The following EYS variants were observed in gnomAD, a reference collection of about 807,000 sequenced individuals.
EYS encodes protein eyes shut homolog.
In EYS, 250 loss-of-function variants were observed where a neutral mutation model predicts 282.1. That is an observed-to-expected ratio of 0.89 (90% CI 0.80 to 0.98). The LOEUF is 0.98. EYS is among the 50% of genes least tolerant of loss of function. The pLI is 0.00. For missense variants in EYS, 4,016 were observed against 3,709.0 expected (o/e 1.08, Z -2.15); for synonymous variants, 1,355 against 1,282.9 (o/e 1.06, Z -1.20).
chr6:64,899,433 T>C (rs924939955), intron 18 of EYS, among the ~76,000 whole-genome samples: 1 of 152,114 alleles, frequency 6.6e-6, no homozygotes, highest in Non-Finnish European at 1.5e-5. Flanking sequence ...TTATCTCTGT[T>C]TGCAAATGAC....
intron 2 of EYS, among the ~76,000 whole-genome samples, chr6:65,527,230 A>G (rs563803649): frequency 6.6e-6 from 1 of 152,304 alleles, no homozygotes; most frequent in East Asian, 1.9e-4. Context: ...TCTAGAAAGC[A>G]TTATAAATTA....
intron 12 of EYS, among the ~76,000 whole-genome samples, chr6:65,228,927 G>A (rs941174218): frequency 1.9e-4 from 29 of 151,980 alleles, no homozygotes; most frequent in African/African-American, 6.8e-4. Context: ...TTTATCAAAT[G>A]ATGCTGGGAG....
chr6:64,781,114 T>A (rs1773844108), intron 22 of EYS, among the ~76,000 whole-genome samples: 5 of 151,418 alleles, frequency 3.3e-5, no homozygotes, highest in African/African-American at 1.2e-4. Context: ...CAGGAGAGGA[T>A]AGGAAGTGCC....
In EYS at chr6:64,970,629, A is replaced by G. The variant is rs139652241; in HGVS notation, c.2260-24715T>C. Among the ~76,000 whole-genome samples the G allele has an allele frequency of 9.2e-5, 14 of 152,310 alleles. No individual in the cohort carries two copies. In the East Asian group the frequency reaches 2.7e-3, roughly 29 times the overall value. On this transcript the variant is annotated intron_variant, in intron 14 of 42. Transcript: ENST00000503581. ...TTATCTCTCCAGCAAATTGTGCATC[A>G]CAGTAAAAAGTGATTTTTCAAAGTT...
intron 33 of EYS, among the ~76,000 whole-genome samples, chr6:64,021,383 A>G (rs1309043840): frequency 6.6e-6 from 1 of 151,526 alleles, no homozygotes; most frequent in Non-Finnish European, 1.5e-5. Context: ...CTTTATCACA[A>G]CAGGGAATGA....
chr6:64,148,260 A>T (rs2150292438), intron 31 of EYS, among the ~76,000 whole-genome samples: 1 of 152,274 alleles, frequency 6.6e-6, no homozygotes, highest in Non-Finnish European at 1.5e-5. Flanking sequence ...ACAGCAACTA[A>T]AATTTTGTAT....
intron 22 of EYS, among the ~76,000 whole-genome samples, chr6:64,708,634 C>T (rs1015124888): frequency 7.9e-5 from 12 of 152,282 alleles, no homozygotes; most frequent in Admixed American, 7.8e-4. Context: ...AAAAAAAAGT[C>T]TCCCTCAAGG....
chr6:64,156,843 G>A (rs1009913782), intron 31 of EYS, among the ~76,000 whole-genome samples: 1 of 151,816 alleles, frequency 6.6e-6, no homozygotes, highest in Non-Finnish European at 1.5e-5. Flanking sequence ...GGTGAGTTGG[G>A]TGTTGTTAAA....
At chr6:64,033,683 G>A (rs1233959926) in intron 33 of EYS, among the ~76,000 whole-genome samples, 1 of 52,040 alleles carries the variant, frequency 1.9e-5, no homozygotes, top group South Asian at 5.3e-4. Context: ...AGATCAGATA[G>A]GTTGCTACAA....
At chr6:65,589,827 G>T (rs939555627) in intron 2 of EYS, among the ~76,000 whole-genome samples, 1 of 151,804 alleles carries the variant, frequency 6.6e-6, no homozygotes, top group South Asian at 2.1e-4. Flanking sequence ...AAATGTTAAA[G>T]GTTTTGGGGG....
chr6:64,172,892 G>A (rs138732962), intron 31 of EYS, among the ~76,000 whole-genome samples: 277 of 152,206 alleles, frequency 1.8e-3, no homozygotes, highest in African/African-American at 6.0e-3. Context: ...AGCTTGTTTC[G>A]TCTCGAAACC....
At chr6:63,917,140 G>C (rs754219962) in intron 35 of EYS, among the ~76,000 whole-genome samples, 1 of 152,254 alleles carries the variant, frequency 6.6e-6, no homozygotes, top group South Asian at 2.1e-4. Context: ...AACTGTGTGT[G>C]CATGTGTACA....
At chr6:64,355,259 G>A (rs1471080727) in intron 29 of EYS, among the ~76,000 whole-genome samples, 1 of 151,574 alleles carries the variant, frequency 6.6e-6, no homozygotes, top group Non-Finnish European at 1.5e-5. Flanking sequence ...AGAGCTTGGA[G>A]TTTGGAGTCA....
At chr6:64,336,531 A>T (rs115310407) in intron 29 of EYS, among the ~76,000 whole-genome samples, 4,734 of 152,222 alleles carry the variant, frequency 0.031, 235 homozygotes, top group African/African-American at 0.11. Context: ...ATTGTGGGGG[A>T]CTTAAATACT....
At chr6:64,546,223 C>G (rs1328384181) in intron 26 of EYS, among the ~76,000 whole-genome samples, 1 of 152,106 alleles carries the variant, frequency 6.6e-6, no homozygotes, top group Non-Finnish European at 1.5e-5. Context: ...GGCCGCATAT[C>G]TACAACCATC....
chr6:64,665,271 A>C (rs1769188833), intron 22 of EYS, among the ~76,000 whole-genome samples: 2 of 152,216 alleles, frequency 1.3e-5, no homozygotes. Flanking sequence ...AATGTGGAAC[A>C]AATTGTGAAA....
intron 15 of EYS, among the ~76,000 whole-genome samples, chr6:64,921,023 A>T (rs1768330448): frequency 6.6e-6 from 1 of 152,140 alleles, no homozygotes; most frequent in Non-Finnish European, 1.5e-5. Context: ...TTTTATGCAT[A>T]TGGAAATATT....
intron 2 of EYS, among the ~76,000 whole-genome samples, chr6:65,603,577 C>T (rs867164753): frequency 7.2e-5 from 11 of 151,906 alleles, no homozygotes; most frequent in Non-Finnish European, 7.4e-5. Flanking sequence ...AAGCTTAATA[C>T]ATTAACCTGG....
At chr6:64,145,040 CTTATTG>C (rs1419041836) in intron 31 of EYS, among the ~76,000 whole-genome samples, 3 of 152,054 alleles carry the variant, frequency 2.0e-5, no homozygotes. Flanking sequence ...TGATAAACTA[CTTATTG>C]TTATTCTATG....
Sources: gnomAD v4.1 joint callset for allele counts (sites outside exome capture counted in the v4.1 genomes callset) on GRCh38, gnomAD v4.1.1 for gene constraint, MANE v1.5 for transcripts, NCBI Gene and HGNC (gene_info 2026-07-23, HGNC 2026-07-21) for gene names.